The following ADNP variants were observed in gnomAD, a reference collection of about 807,000 sequenced individuals.
The protein encoded by ADNP is activity dependent neuroprotector homeobox.
Under a neutral mutation model 84.9 loss-of-function variants are expected in ADNP, and 4 were observed. That is an observed-to-expected ratio of 0.05 (90% CI 0.02 to 0.11). ADNP has a LOEUF of 0.11. Ranked by LOEUF, ADNP falls within the 10% of genes least tolerant of loss-of-function variation. The probability of loss-of-function intolerance (pLI) is 1.00; values close to 1 mark genes in which losing one functional copy is unlikely to be tolerated. For missense variants in ADNP, 1,132 were observed against 1,326.0 expected, an observed-to-expected ratio of 0.85 and a Z score of 2.27; for synonymous variants, 554 against 468.1, an observed-to-expected ratio of 1.18 and a Z score of -2.37.
chr20:50,891,686 T>G lies in ADNP; in HGVS notation c.3028A>C (p.Lys1010Gln). The G allele has an allele frequency of 1.9e-6, 3 of 1,614,258 alleles. No homozygotes were observed. Among genetic ancestry groups the G allele is most frequent in the Non-Finnish European group, 2.5e-6 (3 of 1,180,048 alleles). The part of the protein sequence containing the change: ...SSQSEDARSS[K>Q]PAAKKKATMQ... ...GTAGCCTTTTTTTTGGCAGCTGGCT[T>G]ACTGCTCCTTGCATCTTCGCTTTGG... The change falls in exon 6 of 6, where the codon AAG (lysine) becomes CAG (glutamine). Residue 1010 changes from lysine (K) to glutamine (Q), a missense_variant. Physicochemically the swap from Lys to Gln is moderately conservative, Grantham distance 53. Transcript: ENST00000621696.
chr20:50,913,642 G>A (rs996662208), intron 2 of ADNP: 1 of 201,780 alleles, frequency 5.0e-6, no homozygotes, highest in African/African-American at 2.3e-5. Flanking sequence ...TTAAAGAACA[G>A]ATTTTGTTAT....
rs1426433812 is a variant in ADNP, at chr20:50,930,888, CGGCGGGCGGATGGCGGCGGCACGGCGGT to C, written c.-355_-328del. The stretch of plus-strand genomic sequence containing the variant: ...CTCGGGGGCCGGACAGCGGCGGCGG[CGGCGGGCGGATGGCGGCGGCACGGCGGT>C]GGCGGCAGCGGGGAGGGCGCGCCCG... On this transcript the variant is annotated 5_prime_UTR_variant, in exon 1 of 6. Coordinates refer to ENST00000621696, the MANE Select transcript of ADNP (RefSeq NM_001282531.3). The C allele has an allele frequency of 1.4e-5, 2 of 145,758 alleles. No individual in the cohort carries two copies. The highest frequency in any genetic ancestry group is 2.0e-4 in the East Asian group (1 of 4,984). The allele number at this position is 145,758 out of a possible 1,614,324, so 9.0% of individuals were successfully genotyped here.
Position 50,891,567 on chromosome 20 carries a change from ATTC to A in ADNP, c.3144_3146del (p.Lys1048del). The A allele has an allele frequency of 6.2e-7, 1 of 1,612,712 alleles. No individual in the cohort carries two copies. The highest frequency in any genetic ancestry group is 8.5e-7 in the Non-Finnish European group (1 of 1,180,034). On this transcript the variant is annotated inframe_deletion, in exon 6 of 6. Transcript: ENST00000621696. The stretch of plus-strand genomic sequence containing the variant: ...ATAAGCGCTCATCATTCTCAGATGC[ATTC>A]TTCCACTGTGACTGGTCCTTAGACC...
rs1274995389 is a variant in ADNP at position 50,891,414 on chromosome 20, T to C, written c.3300A>G (p.Gln1100=). 2.9e-5 allele frequency: 47 copies of C among 1,604,044 alleles called. 1 individual carries two copies. The highest frequency in any genetic ancestry group is 5.3e-5 in the African/African-American group (4 of 74,876). Reference sequence around the variant, plus strand: ...CCAGGGAACCTGGCACTTAGGCCTGTTGGCTGCTCAGTTTAACTCCGGCTA... The same window carrying C: ...CCAGGGAACCTGGCACTTAGGCCTGCTGGCTGCTCAGTTTAACTCCGGCTA... ...GSLAGVKLSS[Q]QA The change falls in exon 6 of 6, where the codon CAA becomes CAG. Residue 1100 remains glutamine, a synonymous_variant. Transcript: ENST00000621696.
chr20:50,930,806 C>T lies in ADNP; in HGVS notation c.-265+20G>A, dbSNP rs1380379728. ...GGCAGGGCAGGGCCGCGGGTCCGCG[C>T]GCGGCGGCGCCGGGCTTACCTTGAC... On this transcript the variant is annotated intron_variant, in intron 1 of 5. Transcript: ENST00000621696. The T allele has an allele frequency of 2.0e-5, 3 of 148,724 alleles. No individual in the cohort carries two copies. Among genetic ancestry groups the T allele is most frequent in the Non-Finnish European group, 4.5e-5 (3 of 66,602 alleles). 9.2% of individuals were successfully genotyped at this position (148,724 alleles called of 1,614,324 possible).
At chr20:50,896,827 C>T (rs1447430338) in intron 5 of ADNP, among the ~76,000 whole-genome samples, 1 of 152,148 alleles carries the variant, frequency 6.6e-6, no homozygotes, top group African/African-American at 2.4e-5. Context: ...AATAAGCCCA[C>T]GGTGCTTTGT....
chr20:50,903,639 T>TACG (rs1029711206), intron 4 of ADNP, among the ~76,000 whole-genome samples: 1 of 152,224 alleles, frequency 6.6e-6, no homozygotes, highest in African/African-American at 2.4e-5. Flanking sequence ...TAGACAACTT[T>TACG]ACGGCACCTA....
intron 2 of ADNP, among the ~76,000 whole-genome samples, chr20:50,925,469 G>A (rs749261651): frequency 9.9e-5 from 15 of 152,052 alleles, no homozygotes; most frequent in Non-Finnish European, 2.1e-4. Flanking sequence ...GACACTGAGA[G>A]GATGAAGGAA....
At position 50,892,641 on chromosome 20, in the gene ADNP, T is replaced by C; in HGVS notation, c.2073A>G (p.Gly691=). ...TLHLVHCRGV[G]KTQNGQDKTN... is the part of the protein sequence containing the mutation. ...TCTTATCCTGGCCATTTTGGGTCTT[T>C]CCAACGCCCCTGCAGTGAACTAGAT... is the stretch of plus-strand genomic sequence containing the variant. Residue 691 remains glycine (G), a synonymous_variant, in exon 6 of 6, where the codon GGA becomes GGG. Transcript: ENST00000621696. The C allele has an allele frequency of 6.2e-7, 1 of 1,614,236 alleles. No individual in the cohort carries two copies. The highest frequency in any genetic ancestry group is 1.3e-5 in the African/African-American group (1 of 75,058).
intron 2 of ADNP, among the ~76,000 whole-genome samples, chr20:50,916,608 G>A (rs1404073616): frequency 6.6e-6 from 1 of 152,182 alleles, no homozygotes; most frequent in East Asian, 1.9e-4. Context: ...ATGGTCGAGT[G>A]AGACAACAAT....
intron 2 of ADNP, chr20:50,914,490 A>C (rs1480327292): frequency 2.9e-6 from 1 of 347,742 alleles, no homozygotes; most frequent in Non-Finnish European, 5.5e-6. Flanking sequence ...ATCATCTACA[A>C]ATGTTTTCTC....
At chr20:50,896,955 TG>T (rs1329170835) in intron 5 of ADNP, among the ~76,000 whole-genome samples, 1 of 152,234 alleles carries the variant, frequency 6.6e-6, no homozygotes, top group Non-Finnish European at 1.5e-5. Context: ...TGTTGTTGTT[TG>T]AGATGCAGTT....
At chr20:50,910,129 T>G (rs762441525) in intron 2 of ADNP, among the ~76,000 whole-genome samples, 2 of 152,138 alleles carry the variant, frequency 1.3e-5, no homozygotes, top group Non-Finnish European at 2.9e-5. Flanking sequence ...GCAAAATAAT[T>G]ACACTTGTGA....
rs149519677 is a variant in ADNP, at chr20:50,929,181, T to C, written c.-264-356A>G. Among the ~76,000 whole-genome samples, 615 of 152,348 alleles carry C rather than the reference T, an allele frequency of 4.0e-3. 1 individual carries two copies. The highest frequency in any genetic ancestry group is 7.3e-3 in the Non-Finnish European group (500 of 68,028). ...CAGCTATGCCCCCAAACCTGTTACT[T>C]TGTTTCAAACCTTCTCCTTTACCAC... On this transcript the variant is annotated intron_variant, in intron 1 of 5. Transcript: ENST00000621696.
At chr20:50,922,221 G>A (rs1353554083) in intron 2 of ADNP, among the ~76,000 whole-genome samples, 1 of 152,040 alleles carries the variant, frequency 6.6e-6, no homozygotes, top group African/African-American at 2.4e-5. Context: ...GACACCAGCT[G>A]AGTATCCTCT....
chr20:50,909,996 C>A (rs1284401315), intron 2 of ADNP, among the ~76,000 whole-genome samples: 1 of 152,224 alleles, frequency 6.6e-6, no homozygotes, highest in Non-Finnish European at 1.5e-5. Flanking sequence ...TATAAACACA[C>A]ACATTATCGT....
intron 2 of ADNP, among the ~76,000 whole-genome samples, chr20:50,925,743 C>A (rs2123003438): frequency 6.6e-6 from 1 of 152,346 alleles, no homozygotes; most frequent in Non-Finnish European, 1.5e-5. Context: ...AAGGTGTTAA[C>A]TGGCAGTGAG....
intron 2 of ADNP, among the ~76,000 whole-genome samples, chr20:50,907,264 C>T (rs1255125730): frequency 1.5e-5 from 2 of 136,026 alleles, no homozygotes; most frequent in Non-Finnish European, 3.2e-5. Context: ...AGCCACCGCG[C>T]CCGGCATTTT....
intron 2 of ADNP, among the ~76,000 whole-genome samples, chr20:50,915,396 C>T (rs920163712): frequency 2.6e-5 from 4 of 152,088 alleles, no homozygotes; most frequent in African/African-American, 9.7e-5. Context: ...AAACCAGTTG[C>T]AAAAAGGTTT....
Sources: allele counts gnomAD v4.1 joint callset (sites outside exome capture counted in the v4.1 genomes callset), GRCh38; gene constraint gnomAD v4.1.1; transcripts MANE v1.5; gene names NCBI Gene and HGNC (gene_info 2026-07-23, HGNC 2026-07-21).